The following MAN1A2 variants were observed in gnomAD, a reference collection of about 807,000 sequenced individuals.
The protein encoded by MAN1A2 is mannosidase alpha class 1A member 2.
MAN1A2 carries 26 observed loss-of-function variants against 75.7 expected under a neutral mutation model. That is an observed-to-expected ratio of 0.34 (90% CI 0.25 to 0.48). The LOEUF (loss-of-function observed/expected upper bound fraction) is 0.48, where lower values mean the gene tolerates loss of function less well. Among genes scored for constraint, MAN1A2 ranks in the 20% least tolerant of loss-of-function variants. The pLI is 0.99. For synonymous variants in MAN1A2, 247 were observed against 264.6 expected, an observed-to-expected ratio of 0.93 and a Z score of 0.65; for missense variants, 562 against 775.5, an observed-to-expected ratio of 0.72 and a Z score of 3.27.
chr1:117,417,534 A>AATATATATACATATATATAT (rs1553232781), intron 4 of MAN1A2, among the ~76,000 whole-genome samples: 3 of 89,218 alleles, frequency 3.4e-5, no homozygotes, highest in African/African-American at 1.4e-4. Context: ...CTTGAGTTTA[A>AATATATATACATATATATAT]ATATATATAT....
intron 1 of MAN1A2, among the ~76,000 whole-genome samples, chr1:117,379,678 T>G (rs1653268218): frequency 6.6e-6 from 1 of 152,170 alleles, no homozygotes; most frequent in African/African-American, 2.4e-5. Flanking sequence ...ATCAGTCTGC[T>G]GTTTCTATAG....
chr1:117,394,374 G>A (rs57724283), intron 1 of MAN1A2, among the ~76,000 whole-genome samples: 3 of 152,108 alleles, frequency 2.0e-5, no homozygotes, highest in Non-Finnish European at 2.9e-5. Context: ...GAGCCACTGC[G>A]CCTGGCCTTC....
intron 3 of MAN1A2, among the ~76,000 whole-genome samples, chr1:117,414,352 A>T (rs1647919487): frequency 6.6e-6 from 1 of 151,316 alleles, no homozygotes; most frequent in African/African-American, 2.4e-5. Flanking sequence ...TCTTGAATTA[A>T]TCCTCTTTTT....
Position 117,402,237 on chromosome 1 carries a change from C to G in MAN1A2, c.354C>G (p.Ala118=), listed in dbSNP as rs1189075113. The G allele has an allele frequency of 6.2e-7, 1 of 1,613,370 alleles. No individual in the cohort carries two copies. The highest frequency in any genetic ancestry group is 8.5e-7 in the Non-Finnish European group (1 of 1,179,684). ...AAATTCGAGCTGATCATGAGAAGGC[C>G]TTGGAAGAAGCAAAAGAAAAATTAA... is the stretch of plus-strand genomic sequence containing the variant. The part of the protein sequence containing the change: ...RNKIRADHEK[A]LEEAKEKLRK... The change falls in exon 2 of 13, where the codon GCC becomes GCG. Residue 118 remains alanine, a synonymous_variant. Transcript: ENST00000356554.
At chr1:117,412,628 C>T (rs944644167) in intron 3 of MAN1A2, among the ~76,000 whole-genome samples, 3 of 151,672 alleles carry the variant, frequency 2.0e-5, no homozygotes, top group Admixed American at 6.6e-5. Context: ...TTAGTTGATT[C>T]ACTTGCTCTC....
At chr1:117,463,362 G>A (rs939548380) in intron 7 of MAN1A2, among the ~76,000 whole-genome samples, 10 of 152,028 alleles carry the variant, frequency 6.6e-5, no homozygotes, top group African/African-American at 2.4e-4. Context: ...TTGCCAGGGA[G>A]ACCAGTGCCC....
At chr1:117,488,068 C>G (rs576422563) in intron 8 of MAN1A2, among the ~76,000 whole-genome samples, 4 of 152,144 alleles carry the variant, frequency 2.6e-5, no homozygotes, top group Admixed American at 2.6e-4. Context: ...TATTATTGCC[C>G]TGTCTTCTAC....
At chr1:117,502,816 T>C (rs1196076337) in intron 11 of MAN1A2, 39 bp from the exon 12 acceptor site, 1 of 1,077,160 alleles carries the variant, frequency 9.3e-7, no homozygotes, top group Non-Finnish European at 1.4e-6. Flanking sequence ...AAACTTGAAA[T>C]TCTACGGAAT....
chr1:117,388,768 A>G (rs755995614), intron 1 of MAN1A2, among the ~76,000 whole-genome samples: 2 of 152,232 alleles, frequency 1.3e-5, no homozygotes, highest in Admixed American at 6.5e-5. Context: ...CTGTAGTACT[A>G]ATAACAGCTT....
chr1:117,465,280 T>C (rs1208717789), intron 7 of MAN1A2, among the ~76,000 whole-genome samples: 1 of 152,132 alleles, frequency 6.6e-6, no homozygotes. Context: ...AAAAGAATAG[T>C]ATACAGTTTT....
chr1:117,522,777 T>A, intron 12 of MAN1A2, 48 bp from the exon 13 acceptor site: 1 of 1,574,336 alleles, frequency 6.4e-7, no homozygotes, highest in Non-Finnish European at 8.7e-7. Flanking sequence ...CACTTCATGT[T>A]CTTGTTGAAT....
At chr1:117,428,865 G>A (rs1417925536) in intron 5 of MAN1A2, among the ~76,000 whole-genome samples, 1 of 129,462 alleles carries the variant, frequency 7.7e-6, no homozygotes, top group Non-Finnish European at 1.6e-5. Flanking sequence ...GATTTGGCAG[G>A]GTCATGGGAC....
intron 6 of MAN1A2, among the ~76,000 whole-genome samples, chr1:117,459,112 G>GAT (rs1649727900): frequency 6.6e-6 from 1 of 152,100 alleles, no homozygotes; most frequent in South Asian, 2.1e-4. Context: ...TTTCCCTGAG[G>GAT]ATATGTTCTA....
chr1:117,444,673 T>G (rs990753600), intron 6 of MAN1A2, among the ~76,000 whole-genome samples: 1 of 152,052 alleles, frequency 6.6e-6, no homozygotes, highest in African/African-American at 2.4e-5. Flanking sequence ...GATTTGCTTT[T>G]TGGTGAATTG....
chr1:117,443,911 T>A (rs1160556806), intron 6 of MAN1A2, among the ~76,000 whole-genome samples: 1 of 151,870 alleles, frequency 6.6e-6, no homozygotes, highest in African/African-American at 2.4e-5. Flanking sequence ...TATTTACCTG[T>A]TTTTGAAAAT....
At chr1:117,401,687 A>T (rs60239588) in intron 1 of MAN1A2, among the ~76,000 whole-genome samples, 21,525 of 152,216 alleles carry the variant, frequency 0.14, 1,736 homozygotes, top group South Asian at 0.22. Flanking sequence ...TTAAGTAGTC[A>T]TGCCCACATC....
chr1:117,516,768 G>T lies in MAN1A2; in HGVS notation c.1794-6057G>T, dbSNP rs150265668. 5.8e-4 allele frequency among the ~76,000 whole-genome samples: 88 copies of T among 152,222 alleles called. No individual in the cohort carries two copies. In the East Asian group the frequency reaches 0.011, roughly 20 times the overall value. On this transcript the variant is annotated intron_variant, in intron 12 of 12. Transcript: ENST00000356554. Reference sequence around the variant, plus strand: ...GAGGGGACTTGAGACAAAGCCCAGCGTGCTCCCTGAGGAGATGAAGCTGTG... The same window carrying T: ...GAGGGGACTTGAGACAAAGCCCAGCTTGCTCCCTGAGGAGATGAAGCTGTG...
At chr1:117,480,815 A>T (rs944666779) in intron 8 of MAN1A2, among the ~76,000 whole-genome samples, 1 of 151,906 alleles carries the variant, frequency 6.6e-6, no homozygotes, top group Non-Finnish European at 1.5e-5. Context: ...TAGCCTTATC[A>T]TGAACTTGAG....
rs1282929666 is a variant in MAN1A2 at position 117,367,928 on chromosome 1, TAATC to T, written c.-255_-252del. On this transcript the variant is annotated 5_prime_UTR_variant, in exon 1 of 13. An upstream open reading frame in the 5' UTR loses its in-frame stop. Coordinates refer to ENST00000356554, the MANE Select transcript of MAN1A2 (RefSeq NM_006699.5). ...CTAGGAATGAAGAGGAGGCTTGTAA[TAATC>T]CGATGAAGTACAGATGTTGAAGAGG... 16 of 435,360 alleles carry T rather than the reference TAATC, an allele frequency of 3.7e-5. No homozygotes were observed. The highest frequency in any genetic ancestry group is 3.2e-4 in the African/African-American group (16 of 49,536). The allele number at this position is 435,360 out of a possible 1,614,324, so 27.0% of individuals were successfully genotyped here.
Sources: gnomAD v4.1 joint callset for allele counts (sites outside exome capture counted in the v4.1 genomes callset) on GRCh38, gnomAD v4.1.1 for gene constraint, MANE v1.5 for transcripts, NCBI Gene and HGNC (gene_info 2026-07-23, HGNC 2026-07-21) for gene names.